SMURF1: variants seen among roughly 807,000 people sequenced by gnomAD.
SMURF1 encodes E3 ubiquitin-protein ligase SMURF1.
Under a neutral mutation model 98.0 loss-of-function variants are expected in SMURF1, and 44 were observed. The observed-to-expected ratio is 0.45, with a 90% CI of 0.35 to 0.58. The LOEUF is 0.58. Ranked by LOEUF, SMURF1 falls within the 20% of genes least tolerant of loss-of-function variation. The pLI, the probability that SMURF1 is intolerant of heterozygous loss-of-function variation, is 0.00. For missense variants in SMURF1, 687 were observed against 938.4 expected (o/e 0.73, Z 3.50); for synonymous variants, 396 against 374.9 (o/e 1.06, Z -0.65).
chr7:99,053,896 A>G (rs1286578336), intron 6 of SMURF1, among the ~76,000 whole-genome samples: 1 of 152,038 alleles, frequency 6.6e-6, no homozygotes, highest in Non-Finnish European at 1.5e-5. Flanking sequence ...AAGATTTTTA[A>G]TATATCTGAT....
intron 5 of SMURF1, among the ~76,000 whole-genome samples, chr7:99,056,089 AT>A (rs1218033756): frequency 6.6e-6 from 1 of 152,142 alleles, no homozygotes; most frequent in African/African-American, 2.4e-5. Context: ...TCAGTTACTC[AT>A]TTTTCTCCCT....
chr7:99,089,276 G>T lies in SMURF1; in HGVS notation c.56-27439C>A, dbSNP rs1796753272. Among the ~76,000 whole-genome samples the T allele has an allele frequency of 2.0e-5, 3 of 151,786 alleles. No individual in the cohort carries two copies. In the South Asian group the frequency reaches 6.2e-4, roughly 32 times the overall value. On this transcript the variant is annotated intron_variant, in intron 1 of 17. Transcript: ENST00000361368. ...ATATCCCAGGGTCCGTGTGTCAATTGCATGCATGCCTTAGCATGGATCTAA... is the reference window on the plus strand; with the variant it reads ...ATATCCCAGGGTCCGTGTGTCAATTTCATGCATGCCTTAGCATGGATCTAA...
At chr7:99,055,041 C>G (rs1178174510) in intron 5 of SMURF1, among the ~76,000 whole-genome samples, 176 bp from the exon 6 acceptor site, 1 of 152,140 alleles carries the variant, frequency 6.6e-6, no homozygotes, top group Admixed American at 6.5e-5. Flanking sequence ...ACTCCAGTAG[C>G]TGCATGCTAC....
chr7:99,105,331 A>T (rs1797172247), intron 1 of SMURF1, among the ~76,000 whole-genome samples: 1 of 152,242 alleles, frequency 6.6e-6, no homozygotes, highest in African/African-American at 2.4e-5. Context: ...ATGCAAAATT[A>T]TATAGAATAC....
At chr7:99,030,932 T>G in intron 17 of SMURF1, 1 of 386,454 alleles carries the variant, frequency 2.6e-6, no homozygotes. Flanking sequence ...ACTCCTGGCC[T>G]CAAGTGAACC....
At chr7:99,058,555 G>A (rs1399880305) in intron 3 of SMURF1, among the ~76,000 whole-genome samples, 1 of 152,168 alleles carries the variant, frequency 6.6e-6, no homozygotes, top group Non-Finnish European at 1.5e-5. Context: ...TCTATTCAAA[G>A]TACACAAGAG....
intron 3 of SMURF1, 79 bp from the exon 4 acceptor site, chr7:99,057,630 T>C: frequency 7.1e-7 from 1 of 1,413,436 alleles, no homozygotes; most frequent in Non-Finnish European, 9.2e-7. Context: ...TGAGATAGAA[T>C]CCTGCTCTGT....
At chr7:99,078,497 T>G (rs959996545) in intron 1 of SMURF1, among the ~76,000 whole-genome samples, 11 of 152,082 alleles carry the variant, frequency 7.2e-5, no homozygotes, top group African/African-American at 2.7e-4. Context: ...ACAGGGGTCC[T>G]CAACCCCCCC....
chr7:99,099,882 C>G (rs1310187835), intron 1 of SMURF1, among the ~76,000 whole-genome samples: 1 of 152,090 alleles, frequency 6.6e-6, no homozygotes, highest in Non-Finnish European at 1.5e-5. Flanking sequence ...CCTGAACTTT[C>G]CAACCCCCAG....
At position 99,095,015 on chromosome 7, in the gene SMURF1, G is replaced by A. The variant is rs928475212; in HGVS notation, c.56-33178C>T. 7.9e-5 allele frequency among the ~76,000 whole-genome samples: 12 copies of A among 152,152 alleles called. 1 individual carries two copies. Among genetic ancestry groups the A allele is most frequent in the South Asian group, 2.1e-4 (1 of 4,816 alleles). On this transcript the variant is annotated intron_variant, in intron 1 of 17. Coordinates refer to ENST00000361368, the MANE Select transcript of SMURF1 (RefSeq NM_181349.3). ...TGTGTGCACTGTCTCAACATCCACC[G>A]CCCATGTACCAATTCAAGCATTGCC... is the stretch of plus-strand genomic sequence containing the variant.
At chr7:99,081,386 CTGTTAGT>C (rs1289574234) in intron 1 of SMURF1, 2 of 152,148 alleles carry the variant, frequency 1.3e-5, no homozygotes, top group Non-Finnish European at 2.9e-5. Flanking sequence ...TGACACACAT[CTGTTAGT>C]TTCAGCTCCT....
rs1193530982 is a variant in SMURF1, at chr7:99,047,768, C to T, written c.1068G>A (p.Leu356=). ...GCGACAGTTCGTGTCTGAGGACTTT[C>T]AGCTTCTGGACTAGATCTCTTTCGT... is the stretch of plus-strand genomic sequence containing the variant. ...QRYERDLVQK[L]KVLRHELSLQ... Residue 356 remains leucine, a synonymous_variant, in exon 10 of 18, where the codon CTG becomes CTA. Transcript: ENST00000361368. 6 of 1,614,112 alleles carry T rather than the reference C, an allele frequency of 3.7e-6. No homozygotes were observed. Among genetic ancestry groups the T allele is most frequent in the Non-Finnish European group, 5.1e-6 (6 of 1,180,054 alleles).
chr7:99,062,820 C>A (rs939713404), intron 1 of SMURF1, among the ~76,000 whole-genome samples: 12 of 152,086 alleles, frequency 7.9e-5, no homozygotes, highest in African/African-American at 2.9e-4. Context: ...TGCACTCCAG[C>A]CTGGGTGACA....
At chr7:99,131,042 T>C (rs952413642) in intron 1 of SMURF1, among the ~76,000 whole-genome samples, 2 of 152,276 alleles carry the variant, frequency 1.3e-5, no homozygotes, top group South Asian at 2.1e-4. Context: ...CATGGAGCTT[T>C]TGAGCACAAG....
chr7:99,035,747 C>T (rs1460659776), intron 15 of SMURF1, 31 bp from the exon 16 acceptor site: 1 of 1,607,010 alleles, frequency 6.2e-7, no homozygotes, highest in South Asian at 1.1e-5. Context: ...GAATTACTTC[C>T]AAAATGCATA....
intron 1 of SMURF1, among the ~76,000 whole-genome samples, chr7:99,115,978 A>C (rs895738139): frequency 2.6e-5 from 4 of 152,188 alleles, no homozygotes; most frequent in African/African-American, 9.7e-5. Flanking sequence ...CCAGATACCA[A>C]AGTCAGACAA....
intron 1 of SMURF1, among the ~76,000 whole-genome samples, chr7:99,069,963 A>T (rs531397167): frequency 1.2e-4 from 18 of 152,368 alleles, no homozygotes; most frequent in Non-Finnish European, 2.1e-4. Flanking sequence ...CCCACCGGCC[A>T]TGCCTATTGG....
chr7:99,128,048 A>G (rs1342153304), intron 1 of SMURF1, among the ~76,000 whole-genome samples: 3 of 152,234 alleles, frequency 2.0e-5, no homozygotes, highest in South Asian at 2.1e-4. Flanking sequence ...GATGAACCCT[A>G]TGCAAAATAC....
At chr7:99,049,781 G>A in intron 8 of SMURF1, 72 bp from the exon 9 acceptor site, 1 of 1,457,314 alleles carries the variant, frequency 6.9e-7, no homozygotes, top group Non-Finnish European at 9.3e-7. Flanking sequence ...GTCAGCAACA[G>A]AAGCCACAGA....
Sources: allele counts gnomAD v4.1 joint callset (sites outside exome capture counted in the v4.1 genomes callset), GRCh38; gene constraint gnomAD v4.1.1; transcripts MANE v1.5; gene names NCBI Gene and HGNC (gene_info 2026-07-23, HGNC 2026-07-21).